The following PRSS53 variants were observed in gnomAD, a reference collection of about 807,000 sequenced individuals.
PRSS53 encodes the protein EDTP308.
Under a neutral mutation model 62.7 loss-of-function variants are expected in PRSS53, and 54 were observed. The observed-to-expected ratio is 0.86, with a 90% CI of 0.69 to 1.08. The LOEUF (loss-of-function observed/expected upper bound fraction) is 1.08. PRSS53 is among the 50% of genes least tolerant of loss of function. The pLI is 0.00. For missense variants in PRSS53, 688 were observed against 728.3 expected (o/e 0.94, Z 0.64); for synonymous variants, 273 against 300.0 (o/e 0.91, Z 0.93).
exon 11 of PRSS53, chr16:31,083,710 T>C: frequency 6.2e-7 from 1 of 1,611,300 alleles, no homozygotes; most frequent in Non-Finnish European, 8.5e-7. Flanking sequence ...GAATCACACA[T>C]GACAGGGTGG....
At chr16:31,084,479 C>T in intron 9 of PRSS53, 79 bp downstream of exon 9, 4 of 1,529,996 alleles carry the variant, frequency 2.6e-6, no homozygotes, top group South Asian at 1.2e-5. Flanking sequence ...GAGGCCAAGC[C>T]TGGAAGGTCC....
chr16:31,086,841 C>G (rs765543793), exon 4 of PRSS53: 11 of 1,612,612 alleles, frequency 6.8e-6, no homozygotes, highest in Admixed American at 1.7e-5. Flanking sequence ...GGCTGAGTCC[C>G]TCACGCTGCA....
chr16:31,087,316 G>A (rs2057244877), intron 3 of PRSS53: 4 of 588,636 alleles, frequency 6.8e-6, no homozygotes, highest in South Asian at 4.1e-5. Context: ...GACTTTAAGC[G>A]AGGTCATTCC....
chr16:31,083,853 C>G, intron 10 of PRSS53, 44 bp from the exon 11 acceptor site: 1 of 1,613,112 alleles, frequency 6.2e-7, no homozygotes. Context: ...ATCCTCACGG[C>G]TTTGGTCCCT....
At chr16:31,086,411 G>C (rs1304770950) in exon 5 of PRSS53, 1 of 1,614,018 alleles carries the variant, frequency 6.2e-7, no homozygotes, top group Non-Finnish European at 8.5e-7. Flanking sequence ...GACAGGTGTC[G>C]CTGGTGCAGC....
At chr16:31,083,955 T>C in intron 10 of PRSS53, 146 bp from the exon 11 acceptor site, 1 of 1,514,020 alleles carries the variant, frequency 6.6e-7, no homozygotes, top group Non-Finnish European at 8.9e-7. Flanking sequence ...AGCAGCCTGC[T>C]CCAAGTCACA....
chr16:31,085,930 G>A (rs1341811425), intron 6 of PRSS53, 34 bp downstream of exon 6: 4 of 1,574,928 alleles, frequency 2.5e-6, no homozygotes, highest in Non-Finnish European at 2.6e-6. Context: ...CTTCACAGTG[G>A]CTTCTGCCCA....
chr16:31,086,389 CG>C lies in PRSS53; in HGVS notation c.610del (p.Arg204GlyfsTer55). On this transcript the variant is annotated frameshift_variant, in exon 5 of 11. Transcript: ENST00000280606. LOFTEE classifies it high-confidence loss of function. ...GGGGCCCCCACATAGCATCCCAGGC[CG>C]GGCCGGGTTGGACAGGTGTCGCTGG... 6.2e-7 allele frequency: 1 copy of C among 1,614,028 alleles called. No individual in the cohort carries two copies. Among genetic ancestry groups the C allele is most frequent in the Non-Finnish European group, 8.5e-7 (1 of 1,179,980 alleles).
At chr16:31,087,496 C>T in intron 3 of PRSS53, 41 bp downstream of exon 3, 4 of 1,531,524 alleles carry the variant, frequency 2.6e-6, no homozygotes, top group Non-Finnish European at 9.0e-7. Flanking sequence ...TTGTCCACTC[C>T]CCAGAGCCGG....
In PRSS53 at chr16:31,083,984, A is replaced by T; in HGVS notation, c.1642+135T>A. The T allele has an allele frequency of 6.7e-6, 10 of 1,499,354 alleles. No homozygotes were observed. In the South Asian group the frequency reaches 1.3e-4, roughly 20 times the overall value. The allele number at this position is 1,499,354 out of a possible 1,614,324, so 92.9% of individuals were successfully genotyped here. A position where few individuals can be genotyped will look rare whatever the true frequency, so the allele number is the denominator to read the frequency against. ...AGTCACACGATGACAAAGAACCAGA[A>T]TCTGAATCAAATGGGTCTGCCTGTT... is the stretch of plus-strand genomic sequence containing the variant. On this transcript the variant is annotated intron_variant, in intron 10 of 10. Coordinates refer to ENST00000280606, the Ensembl canonical transcript of PRSS53.
At chr16:31,087,199 G>C in intron 3 of PRSS53, 1 of 522,554 alleles carries the variant, frequency 1.9e-6, no homozygotes, top group African/African-American at 1.9e-5. Flanking sequence ...GTCTTGCTAT[G>C]TTGCACAGGC....
rs1477313307 is a variant in PRSS53 at position 31,085,036 on chromosome 16, C to T, written c.1035-12G>A. The stretch of plus-strand genomic sequence containing the variant: ...CTGGGGCCTGGCGCCTGTGCAGAGG[C>T]AGTGTGGACGGCACCAGGTGACAGG... On this transcript the variant is annotated splice_polypyrimidine_tract_variant and intron_variant, in intron 7 of 10. Transcript: ENST00000280606. 1.2e-6 allele frequency: 2 copies of T among 1,606,038 alleles called. No homozygotes were observed. Among genetic ancestry groups the T allele is most frequent in the Non-Finnish European group, 1.7e-6 (2 of 1,176,472 alleles).
intron 8 of PRSS53, 29 bp from the exon 9 acceptor site, chr16:31,084,732 C>G: frequency 6.2e-7 from 1 of 1,600,382 alleles, no homozygotes; most frequent in Non-Finnish European, 8.5e-7. Context: ...CTGGCTGCCC[C>G]GGCCTGCAGG....
intron 5 of PRSS53, 46 bp downstream of exon 5, chr16:31,086,291 G>A (rs780751832): frequency 6.3e-7 from 1 of 1,587,792 alleles, no homozygotes; most frequent in South Asian, 1.1e-5. Context: ...CCCCAGCCCA[G>A]GGTTAGGCCC....
At chr16:31,085,243 T>C (rs750858241) in exon 7 of PRSS53, 1 of 1,581,702 alleles carries the variant, frequency 6.3e-7, no homozygotes, top group South Asian at 1.2e-5. Context: ...GGACCTGCTG[T>C]CCTCAAGGAT....
chr16:31,087,450 A>G, intron 3 of PRSS53, 87 bp downstream of exon 3: 1 of 943,832 alleles, frequency 1.1e-6, no homozygotes, highest in Non-Finnish European at 1.6e-6. Flanking sequence ...TTATTACTCT[A>G]GAGGCAGGGA....
chr16:31,086,562 G>T, intron 4 of PRSS53, 71 bp from the exon 5 acceptor site: 1 of 1,564,132 alleles, frequency 6.4e-7, no homozygotes, highest in South Asian at 1.2e-5. Context: ...AGCCAGGACA[G>T]TTGGGAGCTG....
At position 31,086,450 on chromosome 16, in the gene PRSS53, G is replaced by A. The variant is rs766085215; in HGVS notation, c.550C>T (p.Arg184Cys). 9.5e-5 allele frequency: 154 copies of A among 1,613,936 alleles called. 1 individual carries two copies. Among genetic ancestry groups the A allele is most frequent in the Non-Finnish European group, 1.3e-4 (149 of 1,179,978 alleles). ...TTGTAGATACAGTTACATGTGGGGC[G>A]ACTGATGAGACGCAGGCGCAGATTG... The change falls in exon 5 of 11, where the codon CGC becomes TGC. Residue 184 changes from arginine to cysteine, a missense_variant. Coordinates refer to ENST00000280606, the Ensembl canonical transcript of PRSS53.
At chr16:31,088,318 G>T in intron 1 of PRSS53, 1 of 1,115,616 alleles carries the variant, frequency 9.0e-7, no homozygotes, top group Non-Finnish European at 1.1e-6. Context: ...AACTGTCTGA[G>T]AGCCCGCCAG....
Sources: allele counts gnomAD v4.1 joint callset, GRCh38; gene constraint gnomAD v4.1.1; transcripts MANE v1.5; gene names NCBI Gene and HGNC (gene_info 2026-07-23, HGNC 2026-07-21).